LMBR1: variants seen among roughly 807,000 people sequenced by gnomAD.
LMBR1 encodes the protein limb region 1 protein homolog.
LMBR1 carries 52 observed loss-of-function variants against 73.9 expected under a neutral mutation model. That is an observed-to-expected ratio of 0.70 (90% CI 0.56 to 0.89). LMBR1 has a LOEUF of 0.89. Ranked by LOEUF, LMBR1 falls within the 40% of genes least tolerant of loss-of-function variation. The probability of loss-of-function intolerance (pLI) is 0.00; values close to 1 mark genes in which losing one functional copy is unlikely to be tolerated. For synonymous variants in LMBR1, 215 were observed against 209.4 expected (o/e 1.03, Z -0.23); for missense variants, 539 against 579.8 (o/e 0.93, Z 0.72).
At chr7:156,816,468 G>A (rs1324731786) in intron 4 of LMBR1, among the ~76,000 whole-genome samples, 3 of 152,130 alleles carry the variant, frequency 2.0e-5, no homozygotes, top group African/African-American at 4.8e-5. Context: ...TGAAGAAAAC[G>A]ATTCAGTACC....
chr7:156,735,612 G>C (rs1269135261), intron 9 of LMBR1, among the ~76,000 whole-genome samples: 1 of 148,968 alleles, frequency 6.7e-6, no homozygotes, highest in African/African-American at 2.5e-5. Flanking sequence ...TGTTTGCTAG[G>C]GTTTTTTTGT....
Position 156,767,298 on chromosome 7 carries a change from G to A in LMBR1, c.424-3503C>T, listed in dbSNP as rs535375028. ...ACAAAGGACTGTGAAGTGACTGCACGGAATTGTTGGTGAACAATGACAAAT... is the reference window on the plus strand; with the variant it reads ...ACAAAGGACTGTGAAGTGACTGCACAGAATTGTTGGTGAACAATGACAAAT... On this transcript the variant is annotated intron_variant, in intron 5 of 16. Coordinates refer to ENST00000353442, the MANE Select transcript of LMBR1 (RefSeq NM_022458.4). Among the ~76,000 whole-genome samples the A allele has an allele frequency of 5.3e-5, 8 of 152,104 alleles. No individual in the cohort carries two copies. The South Asian group carries it at 1.0e-3, about 20-fold the overall frequency.
At chr7:156,836,923 T>G (rs1409577268) in intron 1 of LMBR1, 38 bp from the exon 2 acceptor site, 9 of 1,339,186 alleles carry the variant, frequency 6.7e-6, no homozygotes, top group Non-Finnish European at 9.3e-6. Flanking sequence ...TTTACTTTTT[T>G]GCATATCTTT....
intron 3 of LMBR1, among the ~76,000 whole-genome samples, chr7:156,830,235 T>A (rs922711163): frequency 6.6e-6 from 1 of 152,222 alleles, no homozygotes; most frequent in African/African-American, 2.4e-5. Flanking sequence ...AATAAATGCT[T>A]TTTATTTATT....
At chr7:156,675,146 G>A (rs1309103838), downstream of LMBR1, among the ~76,000 whole-genome samples, 1 of 152,230 alleles carries the variant, frequency 6.6e-6, no homozygotes, top group Non-Finnish European at 1.5e-5. Context: ...ACCCGAAGGG[G>A]CAGCGGAGAC....
At chr7:156,834,946 C>G (rs769100662) in intron 2 of LMBR1, among the ~76,000 whole-genome samples, 16 of 151,896 alleles carry the variant, frequency 1.1e-4, no homozygotes, top group Admixed American at 2.0e-4. Flanking sequence ...TCAAGACCAT[C>G]CTGGCCAACA....
In LMBR1 at chr7:156,678,674, T is replaced by C. The variant is rs576134078; in HGVS notation, c.*5404A>G. The stretch of plus-strand genomic sequence containing the variant: ...AGCGGACAGGGAGAGCCCTGTCTGC[T>C]GCCCTCATTGTGTCTTCCTGGTCAG... On this transcript the variant is annotated 3_prime_UTR_variant, in exon 17 of 17. Coordinates refer to ENST00000353442, the MANE Select transcript of LMBR1 (RefSeq NM_022458.4). The C allele has an allele frequency of 1.3e-5, 2 of 152,306 alleles. No individual in the cohort carries two copies. The highest frequency in any genetic ancestry group is 4.8e-5 in the African/African-American group (2 of 41,570). The allele number at this position is 152,306 out of a possible 1,614,324, so 9.4% of individuals were successfully genotyped here.
At chr7:156,707,060 G>A (rs746736337) in intron 15 of LMBR1, among the ~76,000 whole-genome samples, 61 of 151,962 alleles carry the variant, frequency 4.0e-4, no homozygotes, top group Non-Finnish European at 8.5e-4. Flanking sequence ...CATTACAACC[G>A]ATACCACAGA....
At chr7:156,864,341 A>T (rs1798151482) in intron 1 of LMBR1, among the ~76,000 whole-genome samples, 3 of 152,168 alleles carry the variant, frequency 2.0e-5, no homozygotes, top group Admixed American at 2.0e-4. Context: ...CTTTAAGTTA[A>T]CAGCAGCCTA....
At chr7:156,846,116 T>C (rs535560799) in intron 1 of LMBR1, among the ~76,000 whole-genome samples, 1 of 151,992 alleles carries the variant, frequency 6.6e-6, no homozygotes, top group East Asian at 1.9e-4. Flanking sequence ...AAAAATAATT[T>C]ACAATTTTTT....
At chr7:156,796,898 A>G (rs1830137840) in intron 4 of LMBR1, among the ~76,000 whole-genome samples, 1 of 152,180 alleles carries the variant, frequency 6.6e-6, no homozygotes, top group Non-Finnish European at 1.5e-5. Flanking sequence ...AAGCCTCATA[A>G]AAACCCTAAA....
Position 156,802,289 on chromosome 7 carries a change from C to T in LMBR1, c.320-5797G>A, listed in dbSNP as rs142103924. Among the ~76,000 whole-genome samples, 210 of 152,314 alleles carry T rather than the reference C, an allele frequency of 1.4e-3. 2 individuals are homozygous for T. Among genetic ancestry groups the T allele is most frequent in the African/African-American group, 4.2e-3 (175 of 41,580 alleles). On this transcript the variant is annotated intron_variant, in intron 4 of 16. Transcript: ENST00000353442. ...TGGGCCACCACGCCTGGCCCCTAAA[C>T]TTCTTATATTCTTTAGAGATGCTTG...
At chr7:156,702,748 G>A (rs1057181806) in intron 15 of LMBR1, among the ~76,000 whole-genome samples, 3 of 152,182 alleles carry the variant, frequency 2.0e-5, no homozygotes, top group Middle Eastern at 3.2e-3. Flanking sequence ...CAAGAAAAAT[G>A]TTTTTTGATA....
intron 1 of LMBR1, among the ~76,000 whole-genome samples, chr7:156,839,510 G>GA (rs57666207): frequency 2.6e-5 from 4 of 151,530 alleles, no homozygotes; most frequent in Non-Finnish European, 5.9e-5. Context: ...GTGGAACATG[G>GA]AAAAAAAAAT....
intron 15 of LMBR1, among the ~76,000 whole-genome samples, chr7:156,717,493 A>C (rs1355386596): frequency 6.6e-6 from 1 of 152,188 alleles, no homozygotes; most frequent in Non-Finnish European, 1.5e-5. Flanking sequence ...TGGCCAGAGA[A>C]GCAGAGGGAA....
At chr7:156,882,779 T>C (rs1272514252) in intron 1 of LMBR1, among the ~76,000 whole-genome samples, 1 of 152,186 alleles carries the variant, frequency 6.6e-6, no homozygotes, top group African/African-American at 2.4e-5. Context: ...ACGCCTGTAA[T>C]CCCAGTACTC....
chr7:156,784,946 G>C (rs1161166060), intron 5 of LMBR1, among the ~76,000 whole-genome samples: 4 of 152,190 alleles, frequency 2.6e-5, no homozygotes, highest in Non-Finnish European at 5.9e-5. Flanking sequence ...ACAGACATCT[G>C]CATCTCTTTT....
At chr7:156,867,915 T>C (rs76030172) in intron 1 of LMBR1, among the ~76,000 whole-genome samples, 4,059 of 152,246 alleles carry the variant, frequency 0.027, 77 homozygotes, top group Non-Finnish European at 0.04. Context: ...AATTATATGG[T>C]ATGTGAATTA....
intron 10 of LMBR1, among the ~76,000 whole-genome samples, chr7:156,730,967 A>G (rs183967965): frequency 9.7e-4 from 146 of 150,364 alleles, no homozygotes; most frequent in African/African-American, 3.0e-3. Flanking sequence ...AAAAAGAGGG[A>G]AAAAAAAAGA....
Sources: gnomAD v4.1 joint callset for allele counts (sites outside exome capture counted in the v4.1 genomes callset) on GRCh38, gnomAD v4.1.1 for gene constraint, MANE v1.5 for transcripts, NCBI Gene and HGNC (gene_info 2026-07-23, HGNC 2026-07-21) for gene names.